TTC8: variants seen among roughly 807,000 people sequenced by gnomAD.
TTC8 encodes tetratricopeptide repeat domain 8, also known as tetratricopeptide repeat protein 8.
In TTC8, 47 loss-of-function variants were observed where a neutral mutation model predicts 72.5. The observed-to-expected ratio is 0.65, with a 90% CI of 0.51 to 0.83. The LOEUF is 0.83. TTC8 is among the 40% of genes least tolerant of loss of function. The pLI is 0.00. For missense variants in TTC8, 611 were observed against 623.2 expected (o/e 0.98, Z 0.21); for synonymous variants, 199 against 221.4 (o/e 0.90, Z 0.90).
chr14:88,853,836 A>C (rs975627731), intron 8 of TTC8, among the ~76,000 whole-genome samples: 1 of 152,226 alleles, frequency 6.6e-6, no homozygotes, highest in African/African-American at 2.4e-5. Context: ...ATTGAAATGC[A>C]TATAGAACAT....
At chr14:88,854,429 C>T (rs1044272670) in intron 8 of TTC8, among the ~76,000 whole-genome samples, 1 of 152,182 alleles carries the variant, frequency 6.6e-6, no homozygotes, top group African/African-American at 2.4e-5. Flanking sequence ...CTGCCAGGAA[C>T]TGGGAGTACA....
chr14:88,849,963 C>T (rs1481458270), intron 7 of TTC8, among the ~76,000 whole-genome samples: 1 of 152,068 alleles, frequency 6.6e-6, no homozygotes, highest in Non-Finnish European at 1.5e-5. Context: ...ACTATAACAA[C>T]AGTGAAAGGA....
At chr14:88,875,708 A>G (rs1180766993) in intron 14 of TTC8, among the ~76,000 whole-genome samples, 1 of 152,216 alleles carries the variant, frequency 6.6e-6, no homozygotes, top group African/African-American at 2.4e-5. Flanking sequence ...AATATTTGTG[A>G]TATAAATTAG....
intron 7 of TTC8, among the ~76,000 whole-genome samples, chr14:88,848,253 C>T (rs2094817714): frequency 6.8e-6 from 1 of 147,038 alleles, no homozygotes; most frequent in Non-Finnish European, 1.5e-5. Context: ...TAGAGGTGTA[C>T]TTTTTTAATA....
At chr14:88,843,761 TAAA>T (rs201515510) in intron 6 of TTC8, 42 bp from the exon 7 acceptor site, 1 of 1,233,258 alleles carries the variant, frequency 8.1e-7, no homozygotes, top group Non-Finnish European at 1.1e-6. Context: ...AACAGCAAAT[TAAA>T]AAAAAAAATC....
chr14:88,862,258 A>G (rs1378682551), intron 10 of TTC8, among the ~76,000 whole-genome samples: 5 of 151,934 alleles, frequency 3.3e-5, no homozygotes, highest in Non-Finnish European at 7.4e-5. Context: ...ATGTGTTCAT[A>G]TACCTGTTGG....
chr14:88,862,572 A>ATT (rs1159537363), intron 10 of TTC8, among the ~76,000 whole-genome samples: 2 of 64,946 alleles, frequency 3.1e-5, no homozygotes, highest in Non-Finnish European at 5.8e-5. Flanking sequence ...ATATATATAT[A>ATT]TATATATATA....
rs1385980157 is a variant in TTC8 at position 88,833,722 on chromosome 14, G to C, written c.144G>C (p.Gln48His). 6.2e-7 allele frequency: 1 copy of C among 1,613,368 alleles called. No homozygotes were observed. Among genetic ancestry groups the C allele is most frequent in the Admixed American group, 1.7e-5 (1 of 59,996 alleles). ...QEPDPELPVH[Q>H]AAWILKARAL... ...CAGATCCTGAATTGCCAGTGCATCA[G>C]GTAAAGAAAGGTTTAGCTGCAACCT... Residue 48 changes from glutamine to histidine, a missense_variant and splice_region_variant, in exon 2 of 15, where the codon CAG becomes CAC. Gln to His is a conservative substitution (Grantham distance 24, BLOSUM62 0). Coordinates refer to ENST00000380656, the MANE Select transcript of TTC8 (RefSeq NM_144596.4).
intron 6 of TTC8, among the ~76,000 whole-genome samples, chr14:88,843,235 C>G (rs1028850231): frequency 2.0e-5 from 3 of 152,172 alleles, no homozygotes; most frequent in Non-Finnish European, 4.4e-5. Context: ...CCCCCCAACT[C>G]TGATTTAATT....
At position 88,824,743 on chromosome 14, in the gene TTC8, G is replaced by T. The variant is rs751998190; in HGVS notation, c.36G>T (p.Trp12Cys). 6.2e-7 allele frequency: 1 copy of T among 1,612,392 alleles called. No homozygotes were observed. The highest frequency in any genetic ancestry group is 2.2e-5 in the East Asian group (1 of 44,802). ...SSEMEPLLLAWSYFRRRKFQL... is the reference protein window; with the variant it reads ...SSEMEPLLLACSYFRRRKFQL... ...AGATGGAGCCGCTGCTCCTGGCCTG[G>T]AGCTATTTTAGGCGCAGGAAGTTCC... The change falls in exon 1 of 15, where the codon TGG becomes TGT. Residue 12 changes from tryptophan to cysteine, a missense_variant. By Grantham distance (215) the Trp-to-Cys change is radical. Coordinates refer to ENST00000380656, the MANE Select transcript of TTC8 (RefSeq NM_144596.4).
Position 88,870,053 on chromosome 14 carries a change from G to A in TTC8, c.910-6G>A. On this transcript the variant is annotated splice_region_variant and splice_polypyrimidine_tract_variant and intron_variant, in intron 10 of 14. Coordinates refer to ENST00000380656, the MANE Select transcript of TTC8 (RefSeq NM_144596.4). ...AATATTGCTCTTCTCTCTTGATGGA[G>A]AATAGGAAATGAACAATATGTCATC... is the stretch of plus-strand genomic sequence containing the variant. 1 of 1,613,714 alleles carries A rather than the reference G, an allele frequency of 6.2e-7. No homozygotes were observed. Among genetic ancestry groups the A allele is most frequent in the Non-Finnish European group, 8.5e-7 (1 of 1,179,824 alleles).
intron 14 of TTC8, 129 bp from the exon 15 acceptor site, chr14:88,877,164 GT>G: frequency 1.4e-6 from 1 of 711,538 alleles, no homozygotes; most frequent in South Asian, 1.7e-5. Context: ...TTGTGGGTTT[GT>G]TAAAAAAAAA....
intron 2 of TTC8, among the ~76,000 whole-genome samples, chr14:88,838,430 G>C (rs140336907): frequency 6.6e-6 from 1 of 152,000 alleles, no homozygotes. Flanking sequence ...TGTTCCTTTC[G>C]CAGTCCCTTG....
At chr14:88,872,603 G>C in intron 13 of TTC8, 151 bp downstream of exon 13, 1 of 1,163,418 alleles carries the variant, frequency 8.6e-7, no homozygotes, top group South Asian at 1.3e-5. Context: ...TGTATTAGCT[G>C]TGTGACCTTG....
chr14:88,880,261 T>C (rs1595998290), downstream of TTC8: 1 of 152,340 alleles, frequency 6.6e-6, no homozygotes, highest in East Asian at 1.9e-4. Context: ...GAAACATTTA[T>C]TTAGCAATTT....
At chr14:88,830,131 T>C (rs1892635783) in intron 1 of TTC8, among the ~76,000 whole-genome samples, 1 of 152,188 alleles carries the variant, frequency 6.6e-6, no homozygotes, top group South Asian at 2.1e-4. Context: ...CAGTTTAAGC[T>C]GAGGAGACTC....
intron 7 of TTC8, among the ~76,000 whole-genome samples, chr14:88,851,731 A>G (rs2094834861): frequency 5.3e-5 from 8 of 152,084 alleles, no homozygotes; most frequent in Admixed American, 4.6e-4. Flanking sequence ...AAATAAGCAT[A>G]TGAAAGTACT....
intron 8 of TTC8, 132 bp downstream of exon 8, chr14:88,853,188 C>T (rs2094841356): frequency 1.4e-6 from 1 of 695,716 alleles, no homozygotes; most frequent in African/African-American, 1.8e-5. Context: ...CTTGATAAAG[C>T]ATTTACTTAA....
intron 13 of TTC8, 82 bp downstream of exon 13, chr14:88,872,534 G>A (rs2094939121): frequency 1.9e-6 from 3 of 1,584,288 alleles, no homozygotes; most frequent in Middle Eastern, 2.2e-4. Context: ...TACAGCGTAT[G>A]TTATTTTAAA....
Sources: gnomAD v4.1 joint callset for allele counts (sites outside exome capture counted in the v4.1 genomes callset) on GRCh38, gnomAD v4.1.1 for gene constraint, MANE v1.5 for transcripts, NCBI Gene and HGNC (gene_info 2026-07-23, HGNC 2026-07-21) for gene names.